The following BMPR1A variants were observed in gnomAD, a reference collection of about 807,000 sequenced individuals.
The protein encoded by BMPR1A is bone morphogenetic protein receptor type 1A.
In BMPR1A, 7 loss-of-function variants were observed where a neutral mutation model predicts 66.0. The observed-to-expected ratio is 0.11, with a 90% CI of 0.06 to 0.20. The LOEUF is 0.20. Among genes scored for constraint, BMPR1A ranks in the 10% least tolerant of loss-of-function variants. The pLI, the probability that BMPR1A is intolerant of heterozygous loss-of-function variation, is 1.00. For missense variants in BMPR1A, 408 were observed against 669.1 expected (o/e 0.61, Z 4.31); for synonymous variants, 200 against 229.7 (o/e 0.87, Z 1.17).
downstream of BMPR1A, chr10:86,931,298 C>CACACACACACACATAT: frequency 2.7e-4 from 25 of 90,912 alleles, no homozygotes; most frequent in African/African-American, 1.8e-3. Flanking sequence ...CACACACACA[C>CACACACACACACATAT]ATATATATAT....
rs1374136847 is a variant in BMPR1A at position 86,913,288 on chromosome 10, A to AATT, written c.675+905_675+907dup. Among the ~76,000 whole-genome samples the AATT allele has an allele frequency of 4.7e-5, 5 of 107,208 alleles. No homozygotes were observed. In the East Asian group the frequency reaches 2.6e-3, roughly 56 times the overall value. 70.3% of individuals were successfully genotyped at this position (107,208 alleles called of 152,430 possible). Reference sequence around the variant, plus strand: ...ACCAGATGCACCACCACACCAGGCTAATTTTTTTTTTTTTTTTTTTTTGAG... The same window carrying AATT: ...ACCAGATGCACCACCACACCAGGCTAATTATTTTTTTTTTTTTTTTTTTTTGAG... On this transcript the variant is annotated intron_variant, in intron 8 of 12. Transcript: ENST00000372037.
At chr10:86,918,745 C>G (rs1843613889) in intron 9 of BMPR1A, among the ~76,000 whole-genome samples, 1 of 151,844 alleles carries the variant, frequency 6.6e-6, no homozygotes, top group South Asian at 2.1e-4. Context: ...GCCTCAGCCT[C>G]CAGAGTAGCC....
At position 86,795,305 on chromosome 10, in the gene BMPR1A, A is replaced by G. The variant is rs569671228; in HGVS notation, c.-268+38386A>G. ...CTGAGCTACATTTAAAATCTTGGTTAGTAGACATTTTACTCAGATAGTGAT... is the reference window on the plus strand; with the variant it reads ...CTGAGCTACATTTAAAATCTTGGTTGGTAGACATTTTACTCAGATAGTGAT... On this transcript the variant is annotated intron_variant, in intron 1 of 12. Coordinates refer to ENST00000372037, the MANE Select transcript of BMPR1A (RefSeq NM_004329.3). Among the ~76,000 whole-genome samples the G allele has an allele frequency of 7.2e-5, 11 of 152,256 alleles. No individual in the cohort carries two copies. The South Asian group carries it at 1.0e-3, about 14-fold the overall frequency.
At chr10:86,840,570 A>G (rs1372247040) in intron 2 of BMPR1A, among the ~76,000 whole-genome samples, 12 of 151,732 alleles carry the variant, frequency 7.9e-5, no homozygotes. Context: ...TTCCGCAATT[A>G]TCTCTAAAAT....
chr10:86,763,947 C>T lies in BMPR1A; in HGVS notation c.-268+7028C>T, dbSNP rs111281995. 0.026 allele frequency among the ~76,000 whole-genome samples: 3,910 copies of T among 152,156 alleles called. 171 individuals are homozygous for T. The highest frequency in any genetic ancestry group is 0.09 in the African/African-American group (3,715 of 41,486). ...CTGGGACCACAGGAGCCCGCCACCA[C>T]GCCTAGCTAATTTTTTCTATTTTTT... On this transcript the variant is annotated intron_variant, in intron 1 of 12. Coordinates refer to ENST00000372037, the MANE Select transcript of BMPR1A (RefSeq NM_004329.3).
intron 1 of BMPR1A, among the ~76,000 whole-genome samples, chr10:86,799,489 C>G (rs1352798849): frequency 8.7e-6 from 1 of 115,280 alleles, no homozygotes; most frequent in Non-Finnish European, 1.7e-5. Flanking sequence ...TTCCTTCCTT[C>G]CTTCCTTCCT....
At chr10:86,830,689 G>A (rs1842256852) in intron 1 of BMPR1A, among the ~76,000 whole-genome samples, 1 of 151,680 alleles carries the variant, frequency 6.6e-6, no homozygotes, top group African/African-American at 2.4e-5. Context: ...TTCAATTGTT[G>A]AGCTTTGAGA....
rs79853893 is a variant in BMPR1A at position 86,923,241 on chromosome 10, G to GA, written c.1343-135_1343-134insA. 175,402 of 1,196,964 alleles carry GA rather than the reference G, an allele frequency of 0.15. 19,839 individuals are homozygous for GA. The highest frequency in any genetic ancestry group is 0.67 in the East Asian group (26,419 of 39,340). 74.1% of individuals were successfully genotyped at this position (1,196,964 alleles called of 1,614,324 possible). On this transcript the variant is annotated intron_variant, in intron 11 of 12. Coordinates refer to ENST00000372037, the MANE Select transcript of BMPR1A (RefSeq NM_004329.3). ...GAAAAACATACATCTACTATTAAGA[G>GA]TGAATCATAGTGTCTATATTTTTTC...
At chr10:86,890,849 A>G (rs190974733) in intron 4 of BMPR1A, among the ~76,000 whole-genome samples, 177 of 152,326 alleles carry the variant, frequency 1.2e-3, no homozygotes, top group Non-Finnish European at 1.6e-3. Context: ...GATTTATAAA[A>G]TGATTTTAAT....
At chr10:86,833,991 C>G (rs1434152331) in intron 1 of BMPR1A, among the ~76,000 whole-genome samples, 1 of 152,160 alleles carries the variant, frequency 6.6e-6, no homozygotes, top group Non-Finnish European at 1.5e-5. Context: ...TTGGGTTGTC[C>G]TCATGGTCCA....
chr10:86,760,926 TACAG>T (rs1479723304), intron 1 of BMPR1A, among the ~76,000 whole-genome samples: 11 of 152,252 alleles, frequency 7.2e-5, no homozygotes, highest in African/African-American at 2.7e-4. Flanking sequence ...ACAGTAGTGT[TACAG>T]ACCACTTAAA....
intron 2 of BMPR1A, among the ~76,000 whole-genome samples, chr10:86,867,899 C>A (rs766828578): frequency 6.6e-6 from 1 of 151,956 alleles, no homozygotes; most frequent in Non-Finnish European, 1.5e-5. Flanking sequence ...TTGAGTGGGG[C>A]AGGGACAGTT....
At chr10:86,793,927 C>T (rs930762796) in intron 1 of BMPR1A, among the ~76,000 whole-genome samples, 10 of 152,104 alleles carry the variant, frequency 6.6e-5, no homozygotes, top group African/African-American at 2.4e-4. Context: ...GATCAGGCTC[C>T]CCTTCCTGTT....
In BMPR1A at chr10:86,903,601, T is replaced by TTTTATTTA. The variant is rs528073264; in HGVS notation, c.530+3495_530+3502dup. Among the ~76,000 whole-genome samples, 339 of 151,368 alleles carry TTTTATTTA rather than the reference T, an allele frequency of 2.2e-3. 2 individuals carry two copies. The highest frequency in any genetic ancestry group is 7.7e-3 in the African/African-American group (316 of 41,036). On this transcript the variant is annotated intron_variant, in intron 7 of 12. Coordinates refer to ENST00000372037, the MANE Select transcript of BMPR1A (RefSeq NM_004329.3). ...TTTCAAATTTATCTATTATTATTAT[T>TTTTATTTA]TTTATTTATTTATTTATTTATTTAT... is the stretch of plus-strand genomic sequence containing the variant.
chr10:86,897,696 T>C (rs1169810865), intron 5 of BMPR1A, among the ~76,000 whole-genome samples: 2 of 152,116 alleles, frequency 1.3e-5, no homozygotes, highest in African/African-American at 2.4e-5. Flanking sequence ...AGCCTCAACC[T>C]CCTGGGTTCA....
intron 3 of BMPR1A, among the ~76,000 whole-genome samples, chr10:86,878,510 T>C (rs1392175130): frequency 6.6e-6 from 1 of 152,262 alleles, no homozygotes; most frequent in Non-Finnish European, 1.5e-5. Flanking sequence ...AAGTAACTAA[T>C]AATGACTTCA....
chr10:86,790,188 AATATATATATATATATAT>A (rs1228412063), intron 1 of BMPR1A, among the ~76,000 whole-genome samples: 249 of 20,234 alleles, frequency 0.012, 21 homozygotes, highest in Middle Eastern at 0.1. Flanking sequence ...AAAAAAAAAA[AATATATATATATATATAT>A]ATATATATAT....
chr10:86,767,551 A>T (rs556694817), intron 1 of BMPR1A, among the ~76,000 whole-genome samples: 77 of 152,204 alleles, frequency 5.1e-4, no homozygotes, highest in Non-Finnish European at 1.0e-3. Flanking sequence ...GGTGGTATGC[A>T]CTTGTAGTCT....
intron 1 of BMPR1A, among the ~76,000 whole-genome samples, chr10:86,831,148 G>A (rs1842262293): frequency 6.6e-6 from 1 of 152,148 alleles, no homozygotes; most frequent in African/African-American, 2.4e-5. Context: ...GGCAATTAAG[G>A]TTGTTTTCAC....
Sources: gnomAD v4.1 joint callset for allele counts (sites outside exome capture counted in the v4.1 genomes callset) on GRCh38, gnomAD v4.1.1 for gene constraint, MANE v1.5 for transcripts, NCBI Gene and HGNC (gene_info 2026-07-23, HGNC 2026-07-21) for gene names.